Variants in BCKDHB observed in about 807,000 individuals in gnomAD.
The protein encoded by BCKDHB is 2-oxoisovalerate dehydrogenase subunit beta, mitochondrial.
In BCKDHB, 41 loss-of-function variants were observed where a neutral mutation model predicts 48.5. The ratio of observed to expected loss-of-function variants is 0.85; its 90% CI spans 0.66 to 1.10. BCKDHB has a LOEUF of 1.10. BCKDHB is among the 50% of genes least tolerant of loss of function. The pLI is 0.00. For missense variants in BCKDHB, 496 were observed against 494.2 expected (o/e 1.00, Z -0.03); for synonymous variants, 201 against 174.8 (o/e 1.15, Z -1.18).
intron 8 of BCKDHB, among the ~76,000 whole-genome samples, chr6:80,216,350 T>A (rs2127850577): frequency 6.6e-6 from 1 of 152,308 alleles, no homozygotes; most frequent in East Asian, 1.9e-4. Context: ...TTCTTTCACA[T>A]TTGCCCACCT....
At chr6:80,346,699 G>GA (rs1228516524), downstream of BCKDHB, among the ~76,000 whole-genome samples, 4 of 151,980 alleles carry the variant, frequency 2.6e-5, no homozygotes, top group Non-Finnish European at 4.4e-5. Flanking sequence ...TGGATAAAAA[G>GA]AAAAAACAAC....
chr6:80,293,838 C>A (rs1485135967), intron 9 of BCKDHB, among the ~76,000 whole-genome samples: 1 of 152,100 alleles, frequency 6.6e-6, no homozygotes, highest in African/African-American at 2.4e-5. Context: ...TTCAAAATTC[C>A]ACAAATCTCT....
chr6:80,206,182 C>A (rs1319136625), intron 8 of BCKDHB, among the ~76,000 whole-genome samples: 2 of 152,046 alleles, frequency 1.3e-5, no homozygotes, highest in African/African-American at 4.8e-5. Flanking sequence ...AGAGTTAGGT[C>A]TTACAATTAG....
intron 8 of BCKDHB, among the ~76,000 whole-genome samples, chr6:80,205,381 G>A (rs1270124137): frequency 6.6e-6 from 1 of 151,854 alleles, no homozygotes; most frequent in African/African-American, 2.4e-5. Flanking sequence ...TTTATTCGTT[G>A]TGTGTCAACT....
chr6:80,343,619 AG>A, intron 9 of BCKDHB, 44 bp from the exon 10 acceptor site: 1 of 1,607,036 alleles, frequency 6.2e-7, no homozygotes, highest in Non-Finnish European at 8.5e-7. Flanking sequence ...CATTTCTGTG[AG>A]TAAAAAAAAT....
At chr6:80,336,503 AC>A (rs1487283817) in intron 9 of BCKDHB, among the ~76,000 whole-genome samples, 1 of 114,854 alleles carries the variant, frequency 8.7e-6, no homozygotes. Context: ...AACCAAAAAA[AC>A]AAAAAAAAAC....
intron 9 of BCKDHB, among the ~76,000 whole-genome samples, chr6:80,335,658 A>G (rs141543443): frequency 1.0e-3 from 153 of 152,222 alleles, no homozygotes; most frequent in Middle Eastern, 3.4e-3. Context: ...TAAAGCCTCA[A>G]ACATCTTTAG....
intron 9 of BCKDHB, among the ~76,000 whole-genome samples, chr6:80,308,682 C>T (rs1767999184): frequency 6.6e-6 from 1 of 151,734 alleles, no homozygotes; most frequent in Admixed American, 6.6e-5. Context: ...GCAAGCTCCG[C>T]CTCCCAGGTT....
chr6:80,183,916 A>C (rs1582306373), intron 6 of BCKDHB, among the ~76,000 whole-genome samples: 1 of 152,100 alleles, frequency 6.6e-6, no homozygotes, highest in Non-Finnish European at 1.5e-5. Context: ...TCATGGCTTG[A>C]TAACTCATTT....
At chr6:80,265,221 G>T (rs1387144758) in intron 8 of BCKDHB, among the ~76,000 whole-genome samples, 1 of 152,086 alleles carries the variant, frequency 6.6e-6, no homozygotes, top group African/African-American at 2.4e-5. Context: ...CAAAAGAAGT[G>T]AAAGCAGGGA....
At chr6:80,337,601 T>A (rs753103844) in intron 9 of BCKDHB, among the ~76,000 whole-genome samples, 1 of 151,798 alleles carries the variant, frequency 6.6e-6, no homozygotes. Flanking sequence ...TATTTATAAT[T>A]TATATTACAT....
At chr6:80,342,938 T>C (rs1263939904) in intron 9 of BCKDHB, among the ~76,000 whole-genome samples, 1 of 152,220 alleles carries the variant, frequency 6.6e-6, no homozygotes, top group Non-Finnish European at 1.5e-5. Context: ...GGAAGACAGA[T>C]AATTGGGCAA....
chr6:80,108,456 G>GATATCATGTTATCATGATAT (rs1340096558), intron 1 of BCKDHB, among the ~76,000 whole-genome samples: 4 of 149,198 alleles, frequency 2.7e-5, no homozygotes, highest in African/African-American at 9.9e-5. Context: ...TAAGTAAAAT[G>GATATCATGTTATCATGATAT]ATATCATGTT....
chr6:80,315,578 G>A (rs540355596), intron 9 of BCKDHB, among the ~76,000 whole-genome samples: 12 of 151,222 alleles, frequency 7.9e-5, no homozygotes, highest in African/African-American at 2.2e-4. Context: ...CTGTTCCACC[G>A]TCTTGGCCCC....
At chr6:80,341,990 C>T (rs1210370968) in intron 9 of BCKDHB, among the ~76,000 whole-genome samples, 9 of 152,094 alleles carry the variant, frequency 5.9e-5, no homozygotes, top group Non-Finnish European at 1.2e-4. Flanking sequence ...TAAAGTTGTT[C>T]GTGGAGATTT....
chr6:80,221,087 A>G (rs753677766), intron 8 of BCKDHB, among the ~76,000 whole-genome samples: 6 of 152,188 alleles, frequency 3.9e-5, no homozygotes, highest in Non-Finnish European at 8.8e-5. Flanking sequence ...ATTTGGGGGA[A>G]GTGGAGCAAT....
chr6:80,333,761 C>T (rs1170468503), intron 9 of BCKDHB, among the ~76,000 whole-genome samples: 1 of 151,952 alleles, frequency 6.6e-6, no homozygotes, highest in Non-Finnish European at 1.5e-5. Context: ...TGACTAATAG[C>T]TTTTTATATG....
intron 6 of BCKDHB, among the ~76,000 whole-genome samples, chr6:80,185,848 T>C (rs756099328): frequency 2.7e-4 from 41 of 152,210 alleles, no homozygotes; most frequent in Non-Finnish European, 4.4e-5. Flanking sequence ...GTGTACTCTA[T>C]GATAGTCCTT....
chr6:80,376,756 G>A, the BCKDHB span, among the ~76,000 whole-genome samples: 2 of 152,126 alleles, frequency 1.3e-5, no homozygotes, highest in Non-Finnish European at 2.9e-5. Context: ...TGGAGTGTGG[G>A]CAGATTATAA....
Sources: allele counts gnomAD v4.1 joint callset (sites outside exome capture counted in the v4.1 genomes callset), GRCh38; gene constraint gnomAD v4.1.1; transcripts MANE v1.5; gene names NCBI Gene and HGNC (gene_info 2026-07-23, HGNC 2026-07-21).